The following CARHSP1 variants were observed in gnomAD, a reference collection of about 807,000 sequenced individuals.
CARHSP1 encodes calcium regulated heat stable protein 1.
In CARHSP1, 14 loss-of-function variants were observed where a neutral mutation model predicts 12.5. The ratio of observed to expected loss-of-function variants is 1.12; its 90% CI spans 0.74 to 1.75. CARHSP1 has a LOEUF of 1.75. CARHSP1 is among the 40% of genes most tolerant of loss of function. CARHSP1 has a pLI of 0.00. For synonymous variants in CARHSP1, 161 were observed against 82.0 expected (o/e 1.96, Z -5.20); for missense variants, 343 against 201.6 (o/e 1.70, Z -4.25).
intron 3 of CARHSP1, 45 bp from the exon 4 acceptor site, chr16:8,855,371 A>T: frequency 1.4e-6 from 2 of 1,427,062 alleles, no homozygotes; most frequent in African/African-American, 2.9e-5. Flanking sequence ...ACCGGGACAC[A>T]GCTCCCTTCC....
chr16:8,857,773 T>C lies in CARHSP1; in HGVS notation c.281+577A>G, dbSNP rs1435989010. On this transcript the variant is annotated intron_variant, in intron 3 of 3. Transcript: ENST00000311052. ...CCCTGCTCATTATTTTTTTTTTTTTTTTTTTGAGATGGAGTCTTGCTCTTG... is the reference window on the plus strand; with the variant it reads ...CCCTGCTCATTATTTTTTTTTTTTTCTTTTTGAGATGGAGTCTTGCTCTTG... 3 of 148,422 alleles carry C rather than the reference T, an allele frequency of 2.0e-5. No individual in the cohort carries two copies. The East Asian group carries it at 6.0e-4, about 30-fold the overall frequency. The allele number at this position is 148,422 out of a possible 1,614,324, so 9.2% of individuals were successfully genotyped here. A position where few individuals can be genotyped will look rare whatever the true frequency, so the allele number is the denominator to read the frequency against.
At chr16:8,863,568 T>C (rs1372081948) in intron 1 of CARHSP1, among the ~76,000 whole-genome samples, 7 of 152,166 alleles carry the variant, frequency 4.6e-5, no homozygotes, top group African/African-American at 1.7e-4. Flanking sequence ...CAGACGTGAC[T>C]AGGGGCGGGG....
rs756390920 is a variant in CARHSP1 at position 8,857,263 on chromosome 16, G to GTTTT, written c.281+1083_281+1086dup. Among the ~76,000 whole-genome samples, 21 of 57,032 alleles carry GTTTT rather than the reference G, an allele frequency of 3.7e-4. 1 individual carries two copies. Among genetic ancestry groups the GTTTT allele is most frequent in the Non-Finnish European group, 5.2e-4 (14 of 26,898 alleles). 37.4% of individuals were successfully genotyped at this position (57,032 alleles called of 152,430 possible). ...TGGCTATGTGATCTTGGGCAGATCT[G>GTTTT]TTTTTTTTTTTTTTTTTTTTTTTTT... On this transcript the variant is annotated intron_variant, in intron 3 of 3. Coordinates refer to ENST00000311052, the MANE Select transcript of CARHSP1 (RefSeq NM_014316.4).
chr16:8,858,165 C>G (rs1435313698), intron 3 of CARHSP1, 185 bp downstream of exon 3: 7 of 686,998 alleles, frequency 1.0e-5, no homozygotes, highest in Non-Finnish European at 1.7e-5. Flanking sequence ...TCCGTAGAGT[C>G]TCACAACCCC....
rs369494018 is a variant in CARHSP1, at chr16:8,854,168, GAAAAAAA to G, written c.*989_*995del. 6.7e-6 allele frequency: 1 copy of G among 148,746 alleles called. No individual in the cohort carries two copies. The highest frequency in any genetic ancestry group is 1.5e-5 in the Non-Finnish European group (1 of 67,066). 9.2% of individuals were successfully genotyped at this position (148,746 alleles called of 1,614,324 possible). On this transcript the variant is annotated 3_prime_UTR_variant, in exon 4 of 4. Transcript: ENST00000311052. ...TGAAAGCTTTAGTTATGAAAAATAA[GAAAAAAA>G]AAATCCCTAAGCATTTCTTAACACT... is the stretch of plus-strand genomic sequence containing the variant.
chr16:8,856,833 G>T (rs536368527), intron 3 of CARHSP1, among the ~76,000 whole-genome samples: 14 of 152,242 alleles, frequency 9.2e-5, no homozygotes, highest in African/African-American at 2.6e-4. Flanking sequence ...CTGCCCAGAG[G>T]ATCAGAGGTG....
At chr16:8,857,259 ATCTGTTTTTTTTTTTTTTTTTTT>A (rs1567181050) in intron 3 of CARHSP1, among the ~76,000 whole-genome samples, 1 of 63,156 alleles carries the variant, frequency 1.6e-5, no homozygotes, top group African/African-American at 6.2e-5. Flanking sequence ...TCTTGGGCAG[ATCTGTTTTTTTTTTTTTTTTTTT>A]TTTTTTTTTT....
chr16:8,858,676 G>A (rs985788006), intron 2 of CARHSP1: 1 of 581,518 alleles, frequency 1.7e-6, no homozygotes. Context: ...GATGACCCTG[G>A]CCAATTTTCT....
At chr16:8,865,232 C>A (rs2061434742) in intron 1 of CARHSP1, among the ~76,000 whole-genome samples, 1 of 152,188 alleles carries the variant, frequency 6.6e-6, no homozygotes, top group African/African-American at 2.4e-5. Flanking sequence ...GCCTTAGCCT[C>A]CCGAGTAGCT....
At chr16:8,859,028 A>G (rs1237961473) in intron 2 of CARHSP1, 143 bp downstream of exon 2, 4 of 695,862 alleles carry the variant, frequency 5.7e-6, no homozygotes, top group Non-Finnish European at 9.0e-6. Flanking sequence ...CTAGTTTCTC[A>G]CCCTCAGCCC....
At chr16:8,862,952 C>T (rs983139724) in intron 1 of CARHSP1, among the ~76,000 whole-genome samples, 5 of 152,012 alleles carry the variant, frequency 3.3e-5, no homozygotes, top group African/African-American at 4.8e-5. Context: ...CTCAACACCC[C>T]AAGTGCACCC....
chr16:8,867,999 C>G (rs867663172), intron 1 of CARHSP1: 2 of 152,468 alleles, frequency 1.3e-5, no homozygotes, highest in East Asian at 1.9e-4. Flanking sequence ...AGACTGGGCA[C>G]AGAGAGACTG....
Position 8,860,531 on chromosome 16 carries a change from C to T in CARHSP1, c.-7-1196G>A, listed in dbSNP as rs1315181438. On this transcript the variant is annotated intron_variant, in intron 1 of 3. Transcript: ENST00000311052. ...GAGAAACAGTCCAGCAGTCAGAGGC[C>T]CTTGGGTAAGTCCTTTCCCATCTCT... 10 of 985,266 alleles carry T rather than the reference C, an allele frequency of 1.0e-5. No individual in the cohort carries two copies. The South Asian group carries it at 3.8e-4, about 37-fold the overall frequency. 61.0% of individuals were successfully genotyped at this position (985,266 alleles called of 1,614,324 possible).
At chr16:8,858,501 C>G (rs1263977866) in intron 2 of CARHSP1, 29 bp from the exon 3 acceptor site, 1 of 1,609,546 alleles carries the variant, frequency 6.2e-7, no homozygotes, top group Admixed American at 1.7e-5. Context: ...TGTCAGGGGC[C>G]CCATCAGCGC....
chr16:8,858,832 C>T (rs1271902647), intron 2 of CARHSP1: 7 of 405,736 alleles, frequency 1.7e-5, no homozygotes, highest in African/African-American at 2.0e-5. Context: ...TTATGTGGGT[C>T]CTTTGCAGCC....
chr16:8,858,355 G>A lies in CARHSP1; in HGVS notation c.276C>T (p.Ile92=). The change falls in exon 3 of 4, where the codon ATC becomes ATT. Residue 92 remains isoleucine (I), a synonymous_variant. Coordinates refer to ENST00000311052, the MANE Select transcript of CARHSP1 (RefSeq NM_014316.4). ...ADGGPDIFLH[I]SDVEGEYVPV... is the part of the protein sequence containing the mutation. The stretch of plus-strand genomic sequence containing the variant: ...CAGACCTGCCGCTGACTCACTCAGA[G>A]ATGTGCAGGAAGATGTCGGGGCCGC... The A allele has an allele frequency of 6.2e-7, 1 of 1,613,734 alleles. No individual in the cohort carries two copies. Among genetic ancestry groups the A allele is most frequent in the African/African-American group, 1.3e-5 (1 of 75,036 alleles).
chr16:8,863,372 C>T (rs1336735397), intron 1 of CARHSP1, among the ~76,000 whole-genome samples: 1 of 152,136 alleles, frequency 6.6e-6, no homozygotes, highest in Non-Finnish European at 1.5e-5. Context: ...CTTGGCTTCC[C>T]AAAGTGCTGG....
chr16:8,859,084 C>T (rs1313335304), intron 2 of CARHSP1, 87 bp downstream of exon 2: 1 of 1,339,798 alleles, frequency 7.5e-7, no homozygotes, highest in Non-Finnish European at 1.0e-6. Flanking sequence ...GGGACATAGG[C>T]CCAAAAATGG....
chr16:8,868,576 T>C (rs991405058), intron 1 of CARHSP1: 6 of 150,554 alleles, frequency 4.0e-5, no homozygotes, highest in African/African-American at 1.5e-4. Flanking sequence ...GGGGTGGCTC[T>C]GCTTCCCGCG....
Sources: gnomAD v4.1 joint callset for allele counts (sites outside exome capture counted in the v4.1 genomes callset) on GRCh38, gnomAD v4.1.1 for gene constraint, MANE v1.5 for transcripts, NCBI Gene and HGNC (gene_info 2026-07-23, HGNC 2026-07-21) for gene names.